SLC24A4: variants seen among roughly 807,000 people sequenced by gnomAD.
SLC24A4 encodes sodium/potassium/calcium exchanger 4.
In SLC24A4, 53 loss-of-function variants were observed where a neutral mutation model predicts 79.0. The observed-to-expected ratio is 0.67, with a 90% CI of 0.54 to 0.84. The LOEUF (loss-of-function observed/expected upper bound fraction) is 0.84, where lower values mean the gene tolerates loss of function less well. Ranked by LOEUF, SLC24A4 falls within the 40% of genes least tolerant of loss-of-function variation. The pLI is 0.00. For synonymous variants in SLC24A4, 323 were observed against 323.8 expected, an observed-to-expected ratio of 1.00 and a Z score of 0.03; for missense variants, 731 against 822.0, an observed-to-expected ratio of 0.89 and a Z score of 1.35.
intron 2 of SLC24A4, among the ~76,000 whole-genome samples, chr14:92,432,425 T>G (rs983279456): frequency 2.0e-5 from 3 of 152,228 alleles, no homozygotes; most frequent in African/African-American, 4.8e-5. Context: ...AAACCCTGGT[T>G]TGGAGAATCA....
In SLC24A4 at chr14:92,442,733, G is replaced by A. The variant is rs1194609470; in HGVS notation, c.499G>A (p.Asp167Asn). 1 of 1,613,888 alleles carries A rather than the reference G, an allele frequency of 6.2e-7. No homozygotes were observed. Among genetic ancestry groups the A allele is most frequent in the African/African-American group, 1.3e-5 (1 of 74,928 alleles). The change falls in exon 6 of 17, where the codon GAC becomes AAC. Residue 167 changes from aspartate (D) to asparagine (N), a missense_variant. Asp to Asn is a conservative substitution (Grantham distance 23, BLOSUM62 1). Coordinates refer to ENST00000532405, the MANE Select transcript of SLC24A4 (RefSeq NM_153646.4). ...SVIGVFITHG[D>N]VGVGTIVGSA... is the part of the protein sequence containing the mutation. ...TCCAGGGGTGTTCATCACCCATGGG[G>A]ACGTCGGGGTGGGCACCATCGTGGG...
rs147696769 is a variant in SLC24A4 at position 92,328,139 on chromosome 14, G to A, written c.241+2161G>A. On this transcript the variant is annotated intron_variant, in intron 2 of 16. Coordinates refer to ENST00000532405, the MANE Select transcript of SLC24A4 (RefSeq NM_153646.4). ...CTCTCCCTTGTACTGCACAGCCCCC[G>A]GCTCTCAGGCCAGGTGGGGTCTGTG... 3.9e-5 allele frequency among the ~76,000 whole-genome samples: 6 copies of A among 152,290 alleles called. No homozygotes were observed. The East Asian group carries it at 1.2e-3, about 29-fold the overall frequency.
At chr14:92,325,720 T>G (rs1885089042) in intron 1 of SLC24A4, 148 bp from the exon 2 acceptor site, 1 of 591,708 alleles carries the variant, frequency 1.7e-6, no homozygotes, top group Non-Finnish European at 3.0e-6. Context: ...GGTGATATTA[T>G]ACTTCCAATC....
At chr14:92,420,886 G>A (rs969111589) in intron 2 of SLC24A4, among the ~76,000 whole-genome samples, 1 of 152,156 alleles carries the variant, frequency 6.6e-6, no homozygotes, top group Non-Finnish European at 1.5e-5. Flanking sequence ...GCTGGGTCAG[G>A]TGATACTGTG....
chr14:92,491,044 T>G (rs567186668), intron 14 of SLC24A4, among the ~76,000 whole-genome samples: 2 of 152,360 alleles, frequency 1.3e-5, no homozygotes, highest in South Asian at 2.1e-4. Context: ...CTTCTGGGGC[T>G]GTTCACACAT....
At chr14:92,385,596 G>A (rs889766378) in intron 2 of SLC24A4, among the ~76,000 whole-genome samples, 9 of 152,106 alleles carry the variant, frequency 5.9e-5, no homozygotes, top group Admixed American at 3.3e-4. Context: ...TAACATACCC[G>A]GGAGAGGGGC....
intron 2 of SLC24A4, among the ~76,000 whole-genome samples, chr14:92,391,170 C>T (rs1336571704): frequency 3.3e-5 from 5 of 152,214 alleles, no homozygotes. Flanking sequence ...TCCTCAGCCA[C>T]CACTCTCCAT....
chr14:92,442,680 C>A, intron 5 of SLC24A4, 33 bp from the exon 6 acceptor site: 1 of 1,518,724 alleles, frequency 6.6e-7, no homozygotes, highest in Non-Finnish European at 9.1e-7. Flanking sequence ...GGACGTGTGG[C>A]TGAGGCCCAG....
chr14:92,444,087 G>A (rs1329132355), intron 7 of SLC24A4, among the ~76,000 whole-genome samples: 1 of 152,014 alleles, frequency 6.6e-6, no homozygotes, highest in Non-Finnish European at 1.5e-5. Context: ...GTCACGCAGT[G>A]GGAGCATGGG....
chr14:92,454,202 G>T (rs1893325995), intron 11 of SLC24A4, 133 bp downstream of exon 11: 3 of 868,640 alleles, frequency 3.5e-6, no homozygotes, highest in African/African-American at 1.8e-5. Context: ...CCAGAAGCCT[G>T]CCCATCAGCC....
At chr14:92,381,220 G>A (rs531230214) in intron 2 of SLC24A4, among the ~76,000 whole-genome samples, 1 of 152,298 alleles carries the variant, frequency 6.6e-6, no homozygotes, top group East Asian at 1.9e-4. Context: ...AGAAAACGTG[G>A]CACATATACA....
At chr14:92,454,103 G>T in intron 11 of SLC24A4, 34 bp downstream of exon 11, 2 of 1,597,344 alleles carry the variant, frequency 1.3e-6, no homozygotes, top group South Asian at 2.3e-5. Flanking sequence ...AAAGTGAGCA[G>T]CCTTGGATGC....
At chr14:92,326,568 T>C (rs182627200) in intron 2 of SLC24A4, among the ~76,000 whole-genome samples, 1 of 152,316 alleles carries the variant, frequency 6.6e-6, no homozygotes, top group East Asian at 1.9e-4. Context: ...GACCCAGAGG[T>C]GACATCTTGT....
intron 2 of SLC24A4, among the ~76,000 whole-genome samples, chr14:92,327,818 C>G (rs1000835321): frequency 3.9e-4 from 59 of 152,314 alleles, no homozygotes; most frequent in African/African-American, 1.3e-3. Flanking sequence ...AAGGCCTCAC[C>G]TTGTCCCTTT....
Position 92,442,148 on chromosome 14 carries a change from G to T in SLC24A4, c.453G>T (p.Thr151=). ...GATFMAAGSS[T]PELFASVIGV... ...CCTTCATGGCTGCAGGAAGCTCAAC[G>T]CCAGAGCTGTTTGCGTCTGTTATTG... Residue 151 remains threonine (T), a synonymous_variant, in exon 5 of 17, where the codon ACG becomes ACT. Transcript: ENST00000532405. The T allele has an allele frequency of 1.2e-6, 2 of 1,613,760 alleles. No individual in the cohort carries two copies. The highest frequency in any genetic ancestry group is 1.1e-5 in the South Asian group (1 of 91,068).
chr14:92,454,399 C>T (rs1893334213), intron 11 of SLC24A4, among the ~76,000 whole-genome samples: 1 of 152,144 alleles, frequency 6.6e-6, no homozygotes, highest in Non-Finnish European at 1.5e-5. Context: ...TGAGTTCACA[C>T]CTGTTCTCTG....
upstream of SLC24A4, among the ~76,000 whole-genome samples, chr14:92,323,008 T>C (rs989730080): frequency 7.3e-5 from 11 of 150,474 alleles, no homozygotes; most frequent in Non-Finnish European, 1.5e-4. The surrounding 1 kb of genome is among the most constrained non-coding windows in gnomAD (Gnocchi z 4.9). Context: ...GGGGATTATA[T>C]TGGTCAGTAG....
chr14:92,404,774 A>G (rs1461271126), intron 2 of SLC24A4, among the ~76,000 whole-genome samples: 2 of 152,082 alleles, frequency 1.3e-5, no homozygotes, highest in African/African-American at 4.8e-5. Flanking sequence ...ATCAGAATGG[A>G]TCTTAAATAT....
chr14:92,422,709 T>C (rs373587050), intron 2 of SLC24A4, among the ~76,000 whole-genome samples: 19 of 152,394 alleles, frequency 1.2e-4, no homozygotes, highest in African/African-American at 4.3e-4. Context: ...CCCTTAATGA[T>C]GCCTGTCCTT....
Sources: gnomAD v4.1 joint callset for allele counts (sites outside exome capture counted in the v4.1 genomes callset) on GRCh38, gnomAD v4.1.1 for gene constraint, Gnocchi (gnomAD v3.1) non-coding constraint, MANE v1.5 for transcripts, NCBI Gene and HGNC (gene_info 2026-07-23, HGNC 2026-07-21) for gene names.